Variants in TSPAN14 observed in about 807,000 individuals in gnomAD.
TSPAN14 encodes tetraspanin-14.
A neutral mutation model predicts 36.6 loss-of-function variants in TSPAN14; 16 were observed. The ratio of observed to expected loss-of-function variants is 0.44; its 90% confidence interval spans 0.30 to 0.66. The LOEUF (loss-of-function observed/expected upper bound fraction) is 0.66. Among genes scored for constraint, TSPAN14 ranks in the 30% least tolerant of loss-of-function variants. The pLI is 0.12. For missense variants in TSPAN14, 231 were observed against 355.1 expected (o/e 0.65, Z 2.81); for synonymous variants, 139 against 143.8 (o/e 0.97, Z 0.24).
intron 2 of TSPAN14, among the ~76,000 whole-genome samples, chr10:80,500,809 AAGCGGCCCTAC>A (rs1346305687): frequency 1.3e-5 from 2 of 152,230 alleles, no homozygotes; most frequent in Non-Finnish European, 2.9e-5. Context: ...GCAGAGCGGT[AAGCGGCCCTAC>A]AGCGGCCCTG....
chr10:80,513,033 G>C (rs1053469328), intron 6 of TSPAN14, among the ~76,000 whole-genome samples: 2 of 152,078 alleles, frequency 1.3e-5, no homozygotes, highest in Non-Finnish European at 2.9e-5. Context: ...CAAGTAGCTG[G>C]GACCACAGGC....
At chr10:80,500,860 G>A (rs1259331548) in intron 2 of TSPAN14, among the ~76,000 whole-genome samples, 1 of 152,242 alleles carries the variant, frequency 6.6e-6, no homozygotes, top group Non-Finnish European at 1.5e-5. Context: ...TGGAACAGAG[G>A]TGAGCAGGAG....
At chr10:80,499,027 C>T (rs572657444) in intron 2 of TSPAN14, among the ~76,000 whole-genome samples, 3 of 152,316 alleles carry the variant, frequency 2.0e-5, no homozygotes, top group South Asian at 4.1e-4. Context: ...GCTGGTGATT[C>T]GCCTTGATCT....
intron 5 of TSPAN14, among the ~76,000 whole-genome samples, chr10:80,511,428 G>A (rs908096131): frequency 6.6e-6 from 1 of 152,188 alleles, no homozygotes; most frequent in African/African-American, 2.4e-5. Flanking sequence ...CTTGTGGCAA[G>A]TAGAGGACCA....
At chr10:80,511,474 G>A (rs575014640) in intron 5 of TSPAN14, among the ~76,000 whole-genome samples, 5 of 152,112 alleles carry the variant, frequency 3.3e-5, no homozygotes, top group Non-Finnish European at 7.4e-5. Context: ...AGGAGAGGAC[G>A]CCACTCTCCT....
chr10:80,484,650 G>T (rs1480651342), intron 1 of TSPAN14, among the ~76,000 whole-genome samples: 1 of 152,130 alleles, frequency 6.6e-6, no homozygotes, highest in Admixed American at 6.5e-5. Context: ...GTCTCTATAG[G>T]TTGCAGATAT....
intron 1 of TSPAN14, chr10:80,459,409 G>A (rs1845873479): frequency 1.3e-5 from 2 of 152,686 alleles, no homozygotes; most frequent in African/African-American, 4.8e-5. Flanking sequence ...GATAGCTGGA[G>A]GAACTGGCTC....
At chr10:80,482,033 G>A (rs752895666) in intron 1 of TSPAN14, among the ~76,000 whole-genome samples, 4 of 152,038 alleles carry the variant, frequency 2.6e-5, no homozygotes, top group Non-Finnish European at 4.4e-5. Flanking sequence ...GATTACAGGC[G>A]TGAGCCACTG....
exon 9 of TSPAN14, chr10:80,522,459 C>T (rs1470686086): frequency 6.6e-6 from 1 of 152,094 alleles, no homozygotes; most frequent in Non-Finnish European, 1.5e-5. Flanking sequence ...TGCAACGAGC[C>T]AAGATCGAGC....
intron 8 of TSPAN14, among the ~76,000 whole-genome samples, chr10:80,516,852 G>C (rs994774827): frequency 2.0e-5 from 3 of 152,230 alleles, no homozygotes; most frequent in Non-Finnish European, 2.9e-5. Context: ...GCCTGCTGCC[G>C]TTTGTGGCAT....
chr10:80,501,478 A>G (rs544032624), intron 2 of TSPAN14, among the ~76,000 whole-genome samples: 3 of 152,176 alleles, frequency 2.0e-5, no homozygotes, highest in African/African-American at 7.2e-5. Context: ...AAGGTGAGAG[A>G]AGGGGTGAGC....
At chr10:80,461,725 C>G (rs1177552841) in intron 1 of TSPAN14, among the ~76,000 whole-genome samples, 4 of 151,866 alleles carry the variant, frequency 2.6e-5, no homozygotes, top group African/African-American at 7.3e-5. Flanking sequence ...AAGATTAGTG[C>G]CTGGGTTGGG....
exon 6 of TSPAN14, chr10:80,512,248 C>T (rs756113954): frequency 3.0e-5 from 48 of 1,613,958 alleles, no homozygotes; most frequent in Non-Finnish European, 3.6e-5. Flanking sequence ...TCCCCTTCTC[C>T]TGCTGCGTGC....
intron 1 of TSPAN14, among the ~76,000 whole-genome samples, chr10:80,486,320 T>C (rs555303119): frequency 6.6e-6 from 1 of 152,320 alleles, no homozygotes; most frequent in South Asian, 2.1e-4. Context: ...CTGTACACTT[T>C]ATGGGTGTGA....
At chr10:80,481,725 A>G (rs1847287725) in intron 1 of TSPAN14, among the ~76,000 whole-genome samples, 1 of 152,240 alleles carries the variant, frequency 6.6e-6, no homozygotes. Flanking sequence ...TCCTGGGTTC[A>G]AGCGATTCTC....
chr10:80,494,496 T>A (rs1368360740), intron 2 of TSPAN14, among the ~76,000 whole-genome samples: 1 of 152,216 alleles, frequency 6.6e-6, no homozygotes, highest in Admixed American at 6.5e-5. Context: ...GGTGGAAAGA[T>A]CAACTCTCTT....
At chr10:80,461,619 A>C (rs766396619) in intron 1 of TSPAN14, among the ~76,000 whole-genome samples, 37 of 151,940 alleles carry the variant, frequency 2.4e-4, no homozygotes, top group Non-Finnish European at 4.9e-4. Flanking sequence ...GGGCAGGTTT[A>C]GTTGAGGGCT....
chr10:80,491,010 TG>T (rs1847892530), intron 2 of TSPAN14, among the ~76,000 whole-genome samples: 1 of 152,216 alleles, frequency 6.6e-6, no homozygotes, highest in Admixed American at 6.5e-5. Context: ...CTATGGGGAC[TG>T]GAACTCTTGA....
intron 4 of TSPAN14, among the ~76,000 whole-genome samples, chr10:80,507,656 C>G (rs1383480939): frequency 6.6e-6 from 1 of 152,248 alleles, no homozygotes; most frequent in African/African-American, 2.4e-5. Context: ...TATCTTCCTT[C>G]AGAAATTCTA....
Sources: allele counts gnomAD v4.1 joint callset (sites outside exome capture counted in the v4.1 genomes callset), GRCh38; gene constraint gnomAD v4.1.1; transcripts MANE v1.5; gene names NCBI Gene and HGNC (gene_info 2026-07-23, HGNC 2026-07-21).